Variants in LARGE1 observed in about 807,000 individuals in gnomAD.
LARGE1 encodes LARGE xylosyl- and glucuronyltransferase 1, also known as xylosyl- and glucuronyltransferase LARGE1.
LARGE1 carries 43 observed loss-of-function variants against 87.6 expected under a neutral mutation model. The ratio of observed to expected loss-of-function variants is 0.49; its 90% CI spans 0.38 to 0.63. LARGE1 has a LOEUF of 0.63. LARGE1 is among the 30% of genes least tolerant of loss of function. The pLI, the probability that LARGE1 is intolerant of heterozygous loss-of-function variation, is 0.00. For missense variants in LARGE1, 802 were observed against 1,000.2 expected (o/e 0.80, Z 2.67); for synonymous variants, 434 against 394.6 (o/e 1.10, Z -1.18).
intron 6 of LARGE1, among the ~76,000 whole-genome samples, chr22:33,561,336 G>C (rs973827229): frequency 6.6e-6 from 1 of 152,206 alleles, no homozygotes; most frequent in Non-Finnish European, 1.5e-5. Flanking sequence ...ACAAGGTCAG[G>C]CTCCCAGTGG....
chr22:33,229,942 C>G (rs1325638219), intron 11 of LARGE1, among the ~76,000 whole-genome samples: 1 of 148,524 alleles, frequency 6.7e-6, no homozygotes, highest in Non-Finnish European at 1.5e-5. Flanking sequence ...ACAGCAGAGT[C>G]TCATAAAAAA....
chr22:33,077,350 C>G, the LARGE1 span, among the ~76,000 whole-genome samples: 3 of 152,144 alleles, frequency 2.0e-5, no homozygotes, highest in African/African-American at 7.2e-5. Flanking sequence ...ACCCCAGAGT[C>G]ATATAGTACT....
chr22:33,099,994 C>T, the LARGE1 span, among the ~76,000 whole-genome samples: 12 of 152,262 alleles, frequency 7.9e-5, no homozygotes, highest in East Asian at 1.9e-4. Flanking sequence ...TAAATCTAGA[C>T]TCTGTACTGT....
intron 11 of LARGE1, among the ~76,000 whole-genome samples, chr22:33,241,279 T>A (rs370550493): frequency 1.3e-5 from 2 of 152,200 alleles, no homozygotes; most frequent in African/African-American, 2.4e-5. Flanking sequence ...AACAATGTGA[T>A]CCCCAGGCAC....
chr22:33,326,316 C>T (rs1037169799), intron 10 of LARGE1, among the ~76,000 whole-genome samples: 3 of 152,160 alleles, frequency 2.0e-5, no homozygotes, highest in Non-Finnish European at 4.4e-5. Context: ...TATGCCAAGT[C>T]TTGTGCTAGG....
At chr22:33,224,997 C>G (rs1372954230) in intron 11 of LARGE1, among the ~76,000 whole-genome samples, 1 of 152,230 alleles carries the variant, frequency 6.6e-6, no homozygotes, top group East Asian at 1.9e-4. Context: ...TGCCAGGTCG[C>G]TGACTGGAAA....
chr22:33,457,371 C>T (rs1361899168), intron 6 of LARGE1, among the ~76,000 whole-genome samples: 1 of 136,612 alleles, frequency 7.3e-6, no homozygotes, highest in Non-Finnish European at 1.5e-5. Flanking sequence ...AGGCTGGTCT[C>T]GAACTCCTGA....
intron 1 of LARGE1, among the ~76,000 whole-genome samples, chr22:33,906,690 CT>C (rs1163228297): frequency 6.6e-6 from 1 of 152,136 alleles, no homozygotes; most frequent in Non-Finnish European, 1.5e-5. Context: ...CAGAAAACTC[CT>C]GAAAAACTGC....
Position 33,322,108 on chromosome 22 carries a change from T to C in LARGE1, c.1288-5860A>G, listed in dbSNP as rs533104264. On this transcript the variant is annotated intron_variant, in intron 10 of 14. Coordinates refer to ENST00000397394, the MANE Select transcript of LARGE1 (RefSeq NM_133642.5). ...TGCTGAGATTACGGGCATGAGCTAC[T>C]GCGTCTGGCCTCTCCTTCTCTTTAT... is the stretch of plus-strand genomic sequence containing the variant. 1.2e-3 allele frequency among the ~76,000 whole-genome samples: 186 copies of C among 152,260 alleles called. 1 individual carries two copies. Among genetic ancestry groups the C allele is most frequent in the Non-Finnish European group, 2.2e-3 (148 of 68,010 alleles).
At chr22:33,841,882 A>C (rs2063290473) in intron 1 of LARGE1, among the ~76,000 whole-genome samples, 1 of 152,190 alleles carries the variant, frequency 6.6e-6, no homozygotes, top group Non-Finnish European at 1.5e-5. Flanking sequence ...ACTCATGCAC[A>C]AATCTCCTGG....
intron 6 of LARGE1, among the ~76,000 whole-genome samples, chr22:33,435,568 A>G (rs1246899264): frequency 6.6e-6 from 1 of 152,142 alleles, no homozygotes; most frequent in Non-Finnish European, 1.5e-5. Flanking sequence ...CAATATTAAC[A>G]GACCTTCCAC....
At chr22:33,787,819 T>C (rs912546878) in intron 1 of LARGE1, among the ~76,000 whole-genome samples, 1 of 152,238 alleles carries the variant, frequency 6.6e-6, no homozygotes, top group African/African-American at 2.4e-5. Flanking sequence ...CAGATAGCTT[T>C]TGGCTAGTAG....
At chr22:33,404,512 G>A (rs1177659641) in intron 7 of LARGE1, among the ~76,000 whole-genome samples, 1 of 152,140 alleles carries the variant, frequency 6.6e-6, no homozygotes, top group Non-Finnish European at 1.5e-5. Flanking sequence ...GTAATCCTTG[G>A]GGTCTGAACG....
intron 11 of LARGE1, among the ~76,000 whole-genome samples, chr22:33,177,705 G>C (rs1458352246): frequency 6.6e-6 from 1 of 152,172 alleles, no homozygotes; most frequent in Non-Finnish European, 1.5e-5. Flanking sequence ...GTGGATGTGG[G>C]ATGGTGTAGG....
chr22:33,598,833 T>C (rs987140193), intron 5 of LARGE1, among the ~76,000 whole-genome samples: 6 of 152,250 alleles, frequency 3.9e-5, no homozygotes, highest in Non-Finnish European at 5.9e-5. Flanking sequence ...ACAATAAACA[T>C]ACATGTGCAT....
At chr22:33,082,109 G>A in the LARGE1 span, among the ~76,000 whole-genome samples, 1 of 152,082 alleles carries the variant, frequency 6.6e-6, no homozygotes, top group African/African-American at 2.4e-5. Flanking sequence ...TTTTCAACCA[G>A]CCAAGAGTAT....
At chr22:33,788,908 A>G (rs1241123246) in intron 1 of LARGE1, among the ~76,000 whole-genome samples, 1 of 152,242 alleles carries the variant, frequency 6.6e-6, no homozygotes, top group Non-Finnish European at 1.5e-5. Context: ...AGCAAAGCAT[A>G]AAAGTTTTGA....
At chr22:33,110,010 C>A in the LARGE1 span, among the ~76,000 whole-genome samples, 47 of 152,192 alleles carry the variant, frequency 3.1e-4, no homozygotes, top group Admixed American at 7.2e-4. Context: ...GAATCCTTTA[C>A]GGCAATGCAA....
In LARGE1 at chr22:33,601,337, G is replaced by C. The variant is rs1366660180; in HGVS notation, c.615+3098C>G. Among the ~76,000 whole-genome samples the C allele has an allele frequency of 2.0e-5, 3 of 148,642 alleles. No individual in the cohort carries two copies. The East Asian group carries it at 6.0e-4, about 30-fold the overall frequency. ...AGGTGGAGCCACGCTAGGGTGTGATGTGGTTAGACCCAGGGCAAGAGAAAG... is the reference window on the plus strand; with the variant it reads ...AGGTGGAGCCACGCTAGGGTGTGATCTGGTTAGACCCAGGGCAAGAGAAAG... On this transcript the variant is annotated intron_variant, in intron 5 of 14. Coordinates refer to ENST00000397394, the MANE Select transcript of LARGE1 (RefSeq NM_133642.5).
Sources: gnomAD v4.1 joint callset for allele counts (sites outside exome capture counted in the v4.1 genomes callset) on GRCh38, gnomAD v4.1.1 for gene constraint, MANE v1.5 for transcripts, NCBI Gene and HGNC (gene_info 2026-07-23, HGNC 2026-07-21) for gene names.